The following GLMN variants were observed in gnomAD, a reference collection of about 807,000 sequenced individuals.
The protein encoded by GLMN is glomulin.
A neutral mutation model predicts 87.8 loss-of-function variants in GLMN; 75 were observed. That is an observed-to-expected ratio of 0.85 (90% CI 0.71 to 1.04). The LOEUF is 1.04. Among genes scored for constraint, GLMN ranks in the 50% least tolerant of loss-of-function variants. The pLI, the probability that GLMN is intolerant of heterozygous loss-of-function variation, is 0.00. For missense variants in GLMN, 588 were observed against 658.8 expected (o/e 0.89, Z 1.18); for synonymous variants, 206 against 221.6 (o/e 0.93, Z 0.63).
intron 1 of GLMN, among the ~76,000 whole-genome samples, chr1:92,298,696 G>A (rs528732258): frequency 6.6e-6 from 1 of 152,280 alleles, no homozygotes; most frequent in Non-Finnish European, 1.5e-5. Context: ...GCCCTCAGTA[G>A]GGGCGCGAGT....
the GLMN span, among the ~76,000 whole-genome samples, chr1:92,358,746 C>G: frequency 1.3e-5 from 2 of 151,816 alleles, no homozygotes; most frequent in African/African-American, 4.9e-5. Context: ...CACCATCCTG[C>G]TCAGCTTTAA....
chr1:92,345,343 C>T, the GLMN span, among the ~76,000 whole-genome samples: 1 of 139,292 alleles, frequency 7.2e-6, no homozygotes, highest in Non-Finnish European at 1.5e-5. Flanking sequence ...AGCCACTGCA[C>T]TGCAGCCCAG....
chr1:92,275,915 C>T (rs1009387082), intron 7 of GLMN, among the ~76,000 whole-genome samples: 1 of 152,160 alleles, frequency 6.6e-6, no homozygotes, highest in Admixed American at 6.5e-5. Context: ...GGTAATCTCA[C>T]CCCCTCTCAT....
the GLMN span, among the ~76,000 whole-genome samples, chr1:92,341,286 G>T: frequency 6.6e-6 from 1 of 152,108 alleles, no homozygotes; most frequent in African/African-American, 2.4e-5. Flanking sequence ...TGGTATTACA[G>T]GCATGAGCCA....
chr1:92,286,520 A>T lies in GLMN; in HGVS notation c.705T>A (p.Asp235Glu), dbSNP rs749006784. 2 of 1,593,518 alleles carry T rather than the reference A, an allele frequency of 1.3e-6. No individual in the cohort carries two copies. Among genetic ancestry groups the T allele is most frequent in the Non-Finnish European group, 1.7e-6 (2 of 1,161,408 alleles). ...TTTCTGATGCAAAATACCTGAAAGG[A>T]TCATTTCCACCTTCTTCAGACTGTT... ...FFEQSEEGGN[D>E]PFRYFASEII... Residue 235 changes from aspartate to glutamate, a missense_variant, in exon 7 of 19, where the codon GAT becomes GAA. Transcript: ENST00000370360.
chr1:92,317,621 G>C, the GLMN span, among the ~76,000 whole-genome samples: 7 of 152,142 alleles, frequency 4.6e-5, no homozygotes, highest in African/African-American at 1.7e-4. Context: ...GATGCATGGT[G>C]GCGATAGTTG....
chr1:92,362,190 T>A, the GLMN span, among the ~76,000 whole-genome samples: 1 of 152,222 alleles, frequency 6.6e-6, no homozygotes, highest in Non-Finnish European at 1.5e-5. Flanking sequence ...AAATTCAAGA[T>A]CCTGATCACC....
At chr1:92,304,927 A>C in the GLMN span, among the ~76,000 whole-genome samples, 1 of 152,012 alleles carries the variant, frequency 6.6e-6, no homozygotes, top group African/African-American at 2.4e-5. Context: ...CCTGAGCTCA[A>C]GGAGTTGGAG....
chr1:92,333,468 T>G, the GLMN span: 9 of 1,609,878 alleles, frequency 5.6e-6, no homozygotes, highest in Middle Eastern at 4.9e-4. Context: ...AAAAGTTGAG[T>G]AAAGTGTAAG....
the GLMN span, among the ~76,000 whole-genome samples, chr1:92,354,902 T>TATG: frequency 6.7e-6 from 1 of 149,334 alleles, no homozygotes; most frequent in Non-Finnish European, 1.5e-5. Flanking sequence ...TTATTATTAT[T>TATG]ATTATTATTA....
At chr1:92,303,612 AT>A (rs1448814505), upstream of GLMN, among the ~76,000 whole-genome samples, 1 of 152,086 alleles carries the variant, frequency 6.6e-6, no homozygotes. Context: ...GATTTAGTTA[AT>A]TTTTTAAATA....
chr1:92,308,400 CCTTT>C, the GLMN span, among the ~76,000 whole-genome samples: 1 of 152,166 alleles, frequency 6.6e-6, no homozygotes. Context: ...TCCTTTTTCT[CCTTT>C]CTTAATATTT....
intron 18 of GLMN, 119 bp downstream of exon 18, chr1:92,246,943 A>G: frequency 1.3e-6 from 1 of 750,822 alleles, no homozygotes. Context: ...GGATCACTTG[A>G]GCCCAGGGAG....
At chr1:92,307,090 T>A in the GLMN span, 2 of 830,338 alleles carry the variant, frequency 2.4e-6, no homozygotes, top group Non-Finnish European at 3.7e-6. Flanking sequence ...GGTTTCCATT[T>A]TATTCTTTGA....
chr1:92,259,159 T>C (rs1326093773), intron 16 of GLMN, among the ~76,000 whole-genome samples: 1 of 152,192 alleles, frequency 6.6e-6, no homozygotes, highest in African/African-American at 2.4e-5. Flanking sequence ...TGGGAAAGGA[T>C]ATGAGTACAC....
At chr1:92,253,086 G>A (rs1025164541) in intron 16 of GLMN, among the ~76,000 whole-genome samples, 5 of 152,080 alleles carry the variant, frequency 3.3e-5, no homozygotes, top group African/African-American at 1.2e-4. Flanking sequence ...GAAGTCATCC[G>A]GCTCTGCAAA....
chr1:92,330,603 T>C, the GLMN span, among the ~76,000 whole-genome samples: 17 of 151,648 alleles, frequency 1.1e-4, no homozygotes, highest in African/African-American at 4.1e-4. Context: ...ACCCGTGCCA[T>C]GCCTGCCTAA....
chr1:92,317,159 A>G, the GLMN span, among the ~76,000 whole-genome samples: 17 of 152,130 alleles, frequency 1.1e-4, no homozygotes, highest in African/African-American at 3.9e-4. Context: ...CTTGTTAGCT[A>G]TGTGATCTTA....
chr1:92,291,581 G>A, intron 3 of GLMN, 44 bp from the exon 4 acceptor site: 1 of 1,600,626 alleles, frequency 6.2e-7, no homozygotes, highest in South Asian at 1.1e-5. Context: ...GCCATCTATA[G>A]GACTCTCGCA....
Sources: gnomAD v4.1 joint callset for allele counts (sites outside exome capture counted in the v4.1 genomes callset) on GRCh38, gnomAD v4.1.1 for gene constraint, MANE v1.5 for transcripts, NCBI Gene and HGNC (gene_info 2026-07-23, HGNC 2026-07-21) for gene names.